TIFA: variants seen among roughly 807,000 people sequenced by gnomAD.
TIFA encodes the protein TRAF-interacting protein with FHA domain-containing protein A.
For missense variants in TIFA, 186 were observed against 215.2 expected, an observed-to-expected ratio of 0.86 and a Z score of 0.85; for synonymous variants, 75 against 79.2, an observed-to-expected ratio of 0.95 and a Z score of 0.28.
rs1022993027 is a variant in TIFA, at chr4:112,276,531, A to T, written c.*1331T>A. On this transcript the variant is annotated 3_prime_UTR_variant, in exon 2 of 2. Transcript: ENST00000361717. ...GCCATTACTCTGGGCATCACAGGGA[A>T]TAAACAGGAAAACCAGACACAGGAA... 6.6e-6 allele frequency: 1 copy of T among 152,580 alleles called. No individual in the cohort carries two copies. Among genetic ancestry groups the T allele is most frequent in the African/African-American group, 2.4e-5 (1 of 41,460 alleles). 9.5% of individuals were successfully genotyped at this position (152,580 alleles called of 1,614,324 possible). A position where few individuals can be genotyped will look rare whatever the true frequency, so the allele number is the denominator to read the frequency against.
chr4:112,285,135 G>T (rs1165906259), intron 1 of TIFA, among the ~76,000 whole-genome samples: 1 of 151,996 alleles, frequency 6.6e-6, no homozygotes, highest in Non-Finnish European at 1.5e-5. Context: ...AGAAAACAAC[G>T]GATTACTATA....
rs1446551214 is a variant in TIFA, at chr4:112,276,795, C to T, written c.*1067G>A. The T allele has an allele frequency of 6.6e-6, 1 of 152,142 alleles. No individual in the cohort carries two copies. Among genetic ancestry groups the T allele is most frequent in the Non-Finnish European group, 1.5e-5 (1 of 68,012 alleles). 9.4% of individuals were successfully genotyped at this position (152,142 alleles called of 1,614,324 possible). A position where few individuals can be genotyped will look rare whatever the true frequency, so the allele number is the denominator to read the frequency against. Reference sequence around the variant, plus strand: ...ACGGACCTCTTACTACAGGAAATTTCATTTACCTGGAAAATTGTACAGTGA... The same window carrying T: ...ACGGACCTCTTACTACAGGAAATTTTATTTACCTGGAAAATTGTACAGTGA... On this transcript the variant is annotated 3_prime_UTR_variant, in exon 2 of 2. Transcript: ENST00000361717.
chr4:112,277,693 GT>G lies in TIFA; in HGVS notation c.*168del. On this transcript the variant is annotated 3_prime_UTR_variant, in exon 2 of 2. Coordinates refer to ENST00000361717, the MANE Select transcript of TIFA (RefSeq NM_052864.3). Reference sequence around the variant, plus strand: ...GATCCAGAATACAACAGGTGACTAAGTTAATGACTAACACAATTTACAGACT... The same window carrying G: ...GATCCAGAATACAACAGGTGACTAAGTAATGACTAACACAATTTACAGACT... 2.2e-6 allele frequency: 1 copy of G among 446,536 alleles called. No individual in the cohort carries two copies. The highest frequency in any genetic ancestry group is 9.3e-5 in the South Asian group (1 of 10,706). The allele number at this position is 446,536 out of a possible 1,614,324, so 27.7% of individuals were successfully genotyped here.
chr4:112,277,648 A>C lies in TIFA; in HGVS notation c.*214T>G. 2.4e-6 allele frequency: 1 copy of C among 424,396 alleles called. No individual in the cohort carries two copies. Among genetic ancestry groups the C allele is most frequent in the South Asian group, 5.8e-5 (1 of 17,206 alleles). The allele number at this position is 424,396 out of a possible 1,614,324, so 26.3% of individuals were successfully genotyped here. A position where few individuals can be genotyped will look rare whatever the true frequency, so the allele number is the denominator to read the frequency against. ...TTAATCCTCACAGATTAATAAGAGC[A>C]GTTAAAATAATTTTGTGTAGATCCA... is the stretch of plus-strand genomic sequence containing the variant. On this transcript the variant is annotated 3_prime_UTR_variant, in exon 2 of 2. Coordinates refer to ENST00000361717, the MANE Select transcript of TIFA (RefSeq NM_052864.3).
chr4:112,283,237 T>C (rs1002281164), intron 1 of TIFA, among the ~76,000 whole-genome samples: 2 of 152,172 alleles, frequency 1.3e-5, no homozygotes, highest in Non-Finnish European at 2.9e-5. Context: ...CATAAATGTG[T>C]GTGGGCTACA....
In TIFA at chr4:112,275,834, G is replaced by A. The variant is rs981330361; in HGVS notation, c.*2028C>T. 1 of 152,036 alleles carries A rather than the reference G, an allele frequency of 6.6e-6. No homozygotes were observed. The highest frequency in any genetic ancestry group is 1.5e-5 in the Non-Finnish European group (1 of 67,990). The allele number at this position is 152,036 out of a possible 1,614,324, so 9.4% of individuals were successfully genotyped here. On this transcript the variant is annotated 3_prime_UTR_variant, in exon 2 of 2. Coordinates refer to ENST00000361717, the MANE Select transcript of TIFA (RefSeq NM_052864.3). ...TCAGCCTCAAAGACAAGAAACAGAG[G>A]TGAAAGTCTTCCAAAATAGTCAAAA... is the stretch of plus-strand genomic sequence containing the variant.
chr4:112,281,097 G>A (rs1360548772), intron 1 of TIFA, among the ~76,000 whole-genome samples: 2 of 152,186 alleles, frequency 1.3e-5, no homozygotes, highest in African/African-American at 2.4e-5. Flanking sequence ...ATTAGCAGTC[G>A]ACAAGAAAAG....
intron 1 of TIFA, among the ~76,000 whole-genome samples, chr4:112,282,798 C>T (rs925993424): frequency 5.9e-5 from 9 of 152,300 alleles, no homozygotes; most frequent in African/African-American, 2.2e-4. Context: ...CGGGGGACCC[C>T]CTGCTCTGGC....
At chr4:112,279,911 A>C (rs1032209025) in intron 1 of TIFA, among the ~76,000 whole-genome samples, 3 of 151,786 alleles carry the variant, frequency 2.0e-5, no homozygotes, top group African/African-American at 7.3e-5. Context: ...CAGGTGATTC[A>C]CCCGCCTCGC....
In TIFA at chr4:112,275,279, A is replaced by G. The variant is rs1400476989; in HGVS notation, c.*2583T>C. 1 of 152,156 alleles carries G rather than the reference A, an allele frequency of 6.6e-6. No homozygotes were observed. Among genetic ancestry groups the G allele is most frequent in the Non-Finnish European group, 1.5e-5 (1 of 68,050 alleles). The allele number at this position is 152,156 out of a possible 1,614,324, so 9.4% of individuals were successfully genotyped here. ...ATCAGGTCTCTTTGGGGGATCAATAACGTGTAAAACTTGGGAGCTACAGGT... is the reference window on the plus strand; with the variant it reads ...ATCAGGTCTCTTTGGGGGATCAATAGCGTGTAAAACTTGGGAGCTACAGGT... On this transcript the variant is annotated 3_prime_UTR_variant, in exon 2 of 2. Transcript: ENST00000361717.
chr4:112,279,674 C>T (rs55852720), intron 1 of TIFA, among the ~76,000 whole-genome samples: 93,448 of 150,604 alleles, frequency 0.62, 30,708 homozygotes, highest in African/African-American at 0.84. Flanking sequence ...TTCTTTGTTC[C>T]TCTTTTTTTT....
In TIFA at chr4:112,277,697, A is replaced by AAAAATG; in HGVS notation, c.*164_*165insCATTTT. The AAAAATG allele has an allele frequency of 5.3e-6, 3 of 570,870 alleles. No individual in the cohort carries two copies. Among genetic ancestry groups the AAAAATG allele is most frequent in the Non-Finnish European group, 5.5e-6 (2 of 363,624 alleles). 35.4% of individuals were successfully genotyped at this position (570,870 alleles called of 1,614,324 possible). ...CAGAATACAACAGGTGACTAAGTTAATGACTAACACAATTTACAGACTTCA... is the reference window on the plus strand; with the variant it reads ...CAGAATACAACAGGTGACTAAGTTAAAAAATGTGACTAACACAATTTACAGACTTCA... On this transcript the variant is annotated 3_prime_UTR_variant, in exon 2 of 2. Coordinates refer to ENST00000361717, the MANE Select transcript of TIFA (RefSeq NM_052864.3).
chr4:112,275,672 A>G lies in TIFA; in HGVS notation c.*2190T>C, dbSNP rs1005741366. On this transcript the variant is annotated 3_prime_UTR_variant, in exon 2 of 2. Transcript: ENST00000361717. ...TCTCAAGTTGAACAAAACCCTTTCCAAGATTTACATTAGGAGAAATCATTA... is the reference window on the plus strand; with the variant it reads ...TCTCAAGTTGAACAAAACCCTTTCCGAGATTTACATTAGGAGAAATCATTA... The G allele has an allele frequency of 4.6e-5, 7 of 152,240 alleles. No homozygotes were observed. Among genetic ancestry groups the G allele is most frequent in the Non-Finnish European group, 1.0e-4 (7 of 68,040 alleles). 9.4% of individuals were successfully genotyped at this position (152,240 alleles called of 1,614,324 possible).
rs751366814 is a variant in TIFA, at chr4:112,278,244, T to G, written c.173A>C (p.Tyr58Ser). ...GGAAACCTGTTTGTCCTGAAAAGTA[T>G]AATGACAGATGTTGGAATTTCGGCC... Reference protein sequence around the residue: ...KFGRNSNICHYTFQDKQVSRV... With the variant: ...KFGRNSNICHSTFQDKQVSRV... Residue 58 changes from tyrosine to serine, a missense_variant, in exon 2 of 2, where the codon TAT becomes TCT. Tyr to Ser is a moderately radical substitution (Grantham distance 144). Coordinates refer to ENST00000361717, the MANE Select transcript of TIFA (RefSeq NM_052864.3). The G allele has an allele frequency of 1.9e-6, 3 of 1,613,972 alleles. No homozygotes were observed. The highest frequency in any genetic ancestry group is 8.5e-7 in the Non-Finnish European group (1 of 1,179,992).
rs1727315332 is a variant in TIFA at position 112,285,792 on chromosome 4, G to C, written c.-171C>G. Reference sequence around the variant, plus strand: ...TGTGAGCCCCGGGGTGCGGGGAACCGAGCCAGGGACCAGTGACCGCGAGCC... The same window carrying C: ...TGTGAGCCCCGGGGTGCGGGGAACCCAGCCAGGGACCAGTGACCGCGAGCC... On this transcript the variant is annotated 5_prime_UTR_variant, in exon 1 of 2. Coordinates refer to ENST00000361717, the MANE Select transcript of TIFA (RefSeq NM_052864.3). The C allele has an allele frequency of 6.6e-6, 1 of 152,316 alleles. No homozygotes were observed. The highest frequency in any genetic ancestry group is 1.5e-5 in the Non-Finnish European group (1 of 68,100). The allele number at this position is 152,316 out of a possible 1,614,324, so 9.4% of individuals were successfully genotyped here. A position where few individuals can be genotyped will look rare whatever the true frequency, so the allele number is the denominator to read the frequency against.
chr4:112,279,103 G>T (rs1727176715), intron 1 of TIFA, among the ~76,000 whole-genome samples: 1 of 152,130 alleles, frequency 6.6e-6, no homozygotes, highest in Admixed American at 6.5e-5. Context: ...TCCATGAGTT[G>T]GTTCTAATTA....
chr4:112,281,458 T>C (rs1036193439), intron 1 of TIFA, among the ~76,000 whole-genome samples: 1 of 152,208 alleles, frequency 6.6e-6, no homozygotes, highest in East Asian at 1.9e-4. Context: ...GGTTTATACA[T>C]CAGTGGCTAT....
intron 1 of TIFA, among the ~76,000 whole-genome samples, chr4:112,282,037 A>G (rs1727237582): frequency 6.6e-6 from 1 of 152,214 alleles, no homozygotes; most frequent in African/African-American, 2.4e-5. Flanking sequence ...ATGTTGTGGA[A>G]GGGACCTGAT....
chr4:112,283,599 T>A (rs1457407893), intron 1 of TIFA, among the ~76,000 whole-genome samples: 2 of 152,198 alleles, frequency 1.3e-5, no homozygotes, highest in South Asian at 2.1e-4. Flanking sequence ...ATAATATAGT[T>A]AAAATTGTTA....
Sources: gnomAD v4.1 joint callset for allele counts (sites outside exome capture counted in the v4.1 genomes callset) on GRCh38, gnomAD v4.1.1 for gene constraint, MANE v1.5 for transcripts, NCBI Gene and HGNC (gene_info 2026-07-23, HGNC 2026-07-21) for gene names.